The following MIA2 variants were observed in gnomAD, a reference collection of about 807,000 sequenced individuals.
The protein encoded by MIA2 is MIA SH3 domain ER export factor 2, also known as melanoma inhibitory activity protein 2.
A neutral mutation model predicts 167.8 loss-of-function variants in MIA2; 127 were observed. The observed-to-expected ratio is 0.76, with a 90% CI of 0.66 to 0.88. MIA2 has a LOEUF of 0.88. MIA2 is among the 40% of genes least tolerant of loss of function. MIA2 has a pLI of 0.00. For synonymous variants in MIA2, 552 were observed against 541.9 expected (o/e 1.02, Z -0.26); for missense variants, 1,690 against 1,624.7 (o/e 1.04, Z -0.69).
At position 39,247,522 on chromosome 14, in the gene MIA2, T is replaced by C. The variant is rs113156913; in HGVS notation, c.948T>C (p.Ser316=). 1 of 1,613,978 alleles carries C rather than the reference T, an allele frequency of 6.2e-7. No homozygotes were observed. The highest frequency in any genetic ancestry group is 1.1e-5 in the South Asian group (1 of 91,062). The change falls in exon 4 of 29, where the codon AGT becomes AGC. Residue 316 remains serine, a synonymous_variant. Coordinates refer to ENST00000640607, the MANE Select transcript of MIA2 (RefSeq NM_001329214.4). The part of the protein sequence containing the change: ...STGWFGGGFT[S]YLGFGDEDTG... ...GTTGGTTTGGTGGAGGATTTACAAG[T>C]TATTTAGGTTTTGGAGATGAGGATA...
rs1163399303 is a variant in MIA2 at position 39,387,200 on chromosome 14, G to A, written c.*248G>A. On this transcript the variant is annotated 3_prime_UTR_variant, in exon 24 of 24. Transcript: ENST00000341502. The stretch of plus-strand genomic sequence containing the variant: ...TACCATAGATAGTATTTCATCTGAT[G>A]GATTTGGGAAAAGTAAAGTGAAAAC... The A allele has an allele frequency of 9.6e-6, 4 of 418,008 alleles. No homozygotes were observed. In the East Asian group the frequency reaches 1.2e-4, roughly 12 times the overall value. The allele number at this position is 418,008 out of a possible 1,614,324, so 25.9% of individuals were successfully genotyped here.
intron 6 of MIA2, 102 bp from the exon 7 acceptor site, chr14:39,276,832 G>T: frequency 1.6e-6 from 2 of 1,262,828 alleles, no homozygotes; most frequent in Non-Finnish European, 1.1e-6. Flanking sequence ...TGTTAGTCTG[G>T]CAGCCCATTT....
chr14:39,330,309 G>GGATAAAGGGGAAAAA (rs1353171452), intron 25 of MIA2, among the ~76,000 whole-genome samples: 8 of 152,076 alleles, frequency 5.3e-5, no homozygotes, highest in African/African-American at 9.7e-5. Flanking sequence ...GGGATCAGTG[G>GGATAAAGGGGAAAAA]TGATATCCCC....
intron 25 of MIA2, among the ~76,000 whole-genome samples, chr14:39,329,653 G>GTTTTTTTT (rs139865314): frequency 7.1e-6 from 1 of 140,754 alleles, no homozygotes. Flanking sequence ...AGTTTATTGA[G>GTTTTTTTT]TTTTTTTTTT....
intron 6 of MIA2, among the ~76,000 whole-genome samples, chr14:39,273,176 A>G (rs1014279388): frequency 2.7e-5 from 4 of 150,206 alleles, no homozygotes; most frequent in African/African-American, 9.8e-5. Flanking sequence ...AACCTCCATT[A>G]CAATGTTGAA....
At position 39,252,851 on chromosome 14, in the gene MIA2, C is replaced by T. The variant is rs1423323164; in HGVS notation, c.1671C>T (p.Asp557=). 1 of 1,613,974 alleles carries T rather than the reference C, an allele frequency of 6.2e-7. No individual in the cohort carries two copies. Among genetic ancestry groups the T allele is most frequent in the Non-Finnish European group, 8.5e-7 (1 of 1,179,900 alleles). The change falls in exon 5 of 29, where the codon GAC becomes GAT. Residue 557 remains aspartate, a synonymous_variant. Transcript: ENST00000640607. ...DSDENSKPSV[D]TEGPALVEID... is the part of the protein sequence containing the mutation. ...ATGAAAATTCGAAACCATCAGTAGA[C>T]ACCGAAGGGCCTGCTCTGGTGGAGA...
chr14:39,280,775 G>GT (rs145474309), intron 9 of MIA2, among the ~76,000 whole-genome samples: 1 of 151,640 alleles, frequency 6.6e-6, no homozygotes, highest in Non-Finnish European at 1.5e-5. Flanking sequence ...CCTACTGGCT[G>GT]TTTTTATCAT....
chr14:39,347,915 C>G (rs1567022193), intron 27 of MIA2, 144 bp downstream of exon 27: 1 of 702,498 alleles, frequency 1.4e-6, no homozygotes, highest in Non-Finnish European at 2.2e-6. Flanking sequence ...TGGGTTCAAG[C>G]AATTCTCCTG....
rs866403368 is a variant in MIA2, at chr14:39,250,469, G to A, written c.1568-2279G>A. On this transcript the variant is annotated intron_variant, in intron 4 of 28. Transcript: ENST00000640607. ...CTAGCACGTTGAGAGGCCGAGGCAG[G>A]CAGATTACTTGAAGTCAGGAGTTTG... Among the ~76,000 whole-genome samples, 58 of 152,022 alleles carry A rather than the reference G, an allele frequency of 3.8e-4. No homozygotes were observed. In the Middle Eastern group the frequency reaches 0.014, roughly 36 times the overall value.
intron 24 of MIA2, among the ~76,000 whole-genome samples, chr14:39,325,610 G>A (rs561457143): frequency 4.2e-4 from 64 of 151,546 alleles, no homozygotes; most frequent in Middle Eastern, 3.4e-3. Flanking sequence ...CTTGTGACCC[G>A]CCCGCCTTGA....
At chr14:39,262,009 T>G (rs913743014) in intron 6 of MIA2, among the ~76,000 whole-genome samples, 5 of 152,218 alleles carry the variant, frequency 3.3e-5, no homozygotes, top group Admixed American at 2.6e-4. Flanking sequence ...ATCCCATTTG[T>G]TAATTTTGGC....
intron 24 of MIA2, among the ~76,000 whole-genome samples, chr14:39,322,556 A>AG (rs1343909415): frequency 6.6e-6 from 1 of 151,864 alleles, no homozygotes; most frequent in East Asian, 1.9e-4. Flanking sequence ...AAAAAAAAAA[A>AG]AAAGTACATT....
intron 9 of MIA2, among the ~76,000 whole-genome samples, chr14:39,280,728 T>C (rs2058786899): frequency 6.6e-6 from 1 of 150,448 alleles, no homozygotes; most frequent in African/African-American, 2.5e-5. Context: ...TGAGACTCCT[T>C]CTCAAAACAA....
rs146929667 is a variant in MIA2, at chr14:39,335,362, T to G, written c.3655+8340T>G. 9.2e-4 allele frequency among the ~76,000 whole-genome samples: 140 copies of G among 152,344 alleles called. 2 individuals are homozygous for G. The East Asian group carries it at 0.025, about 27-fold the overall frequency. On this transcript the variant is annotated intron_variant, in intron 25 of 28. Coordinates refer to ENST00000640607, the MANE Select transcript of MIA2 (RefSeq NM_001329214.4). Reference sequence around the variant, plus strand: ...AGTCTGTTAGGCATAATTTATAAAATGTATATATTTTCTTAACATGTTTCT... The same window carrying G: ...AGTCTGTTAGGCATAATTTATAAAAGGTATATATTTTCTTAACATGTTTCT...
At chr14:39,301,446 T>C (rs1030816924) in intron 14 of MIA2, among the ~76,000 whole-genome samples, 1 of 152,214 alleles carries the variant, frequency 6.6e-6, no homozygotes, top group South Asian at 2.1e-4. Context: ...AAGAATGAGA[T>C]GCTAACCTCA....
At chr14:39,263,666 C>T (rs1294721404) in intron 6 of MIA2, among the ~76,000 whole-genome samples, 1 of 140,118 alleles carries the variant, frequency 7.1e-6, no homozygotes, top group South Asian at 2.3e-4. Context: ...GAGTTTCACT[C>T]AGTCACCGAG....
chr14:39,265,204 T>C (rs1430759820), intron 6 of MIA2: 5 of 553,320 alleles, frequency 9.0e-6, no homozygotes, highest in Non-Finnish European at 1.3e-5. Flanking sequence ...GTCCATGAAA[T>C]TGGGTTATGG....
intron 9 of MIA2, among the ~76,000 whole-genome samples, chr14:39,285,429 C>T (rs1184952146): frequency 1.5e-5 from 2 of 131,198 alleles, no homozygotes; most frequent in East Asian, 4.8e-4. Context: ...CGGGGGCTGA[C>T]CCCCCCACCT....
intron 24 of MIA2, among the ~76,000 whole-genome samples, chr14:39,325,192 C>T (rs892732018): frequency 6.6e-6 from 1 of 151,774 alleles, no homozygotes; most frequent in African/African-American, 2.4e-5. Flanking sequence ...CCACTGCACT[C>T]CAGTCTGGGT....
Sources: allele counts gnomAD v4.1 joint callset (sites outside exome capture counted in the v4.1 genomes callset), GRCh38; gene constraint gnomAD v4.1.1; transcripts MANE v1.5; gene names NCBI Gene and HGNC (gene_info 2026-07-23, HGNC 2026-07-21).